TRPC4: variants seen among roughly 807,000 people sequenced by gnomAD.
TRPC4 encodes the protein transient receptor potential cation channel subfamily C member 4.
TRPC4 carries 49 observed loss-of-function variants against 99.4 expected under a neutral mutation model. That is an observed-to-expected ratio of 0.49 (90% CI 0.39 to 0.63). The LOEUF (loss-of-function observed/expected upper bound fraction) is 0.63, where lower values mean the gene tolerates loss of function less well. Ranked by LOEUF, TRPC4 falls within the 20% of genes least tolerant of loss-of-function variation. The pLI is 0.00. For synonymous variants in TRPC4, 454 were observed against 425.9 expected (o/e 1.07, Z -0.81); for missense variants, 898 against 1,152.9 (o/e 0.78, Z 3.20).
At chr13:37,673,500 T>G (rs1174813803) in intron 5 of TRPC4, among the ~76,000 whole-genome samples, 7 of 152,142 alleles carry the variant, frequency 4.6e-5, no homozygotes, top group African/African-American at 1.7e-4. Flanking sequence ...TAACTAGTTA[T>G]TTTGAAACTT....
rs187848242 is a variant in TRPC4 at position 37,634,107 on chromosome 13, C to T, written c.*2796G>A. Reference sequence around the variant, plus strand: ...CAGATTTTTTAAGATTAAGAGAGTACGAAAAATGAGAAACATTATTTATGT... The same window carrying T: ...CAGATTTTTTAAGATTAAGAGAGTATGAAAAATGAGAAACATTATTTATGT... On this transcript the variant is annotated 3_prime_UTR_variant, in exon 11 of 11. Transcript: ENST00000379705. Among the ~76,000 whole-genome samples the T allele has an allele frequency of 6.6e-5, 10 of 151,864 alleles. No individual in the cohort carries two copies. The highest frequency in any genetic ancestry group is 8.8e-5 in the Non-Finnish European group (6 of 67,898).
chr13:37,802,646 C>A (rs191054281), intron 1 of TRPC4, among the ~76,000 whole-genome samples: 1 of 152,192 alleles, frequency 6.6e-6, no homozygotes, highest in Admixed American at 6.6e-5. Context: ...CAGCTTTGTT[C>A]ATGGTCTTCT....
chr13:37,708,819 A>G (rs1217260620), intron 3 of TRPC4, among the ~76,000 whole-genome samples: 1 of 151,718 alleles, frequency 6.6e-6, no homozygotes, highest in Non-Finnish European at 1.5e-5. Flanking sequence ...AGTTCCAGAA[A>G]GTGTCAGATA....
chr13:37,637,402 G>A lies in TRPC4; in HGVS notation c.2435C>T (p.Ser812Phe). ...GCCATTGCTTATGTTATGTCTTTCA[G>A]AGGCAATTGCTGCTGATCTCGGATG... ...LIHPRSAAIA[S>F]ERHNISNGSA... Residue 812 changes from serine (S) to phenylalanine (F), a missense_variant, in exon 11 of 11, where the codon TCT (serine) becomes TTT (phenylalanine). By Grantham distance (155) the Ser-to-Phe change is radical (BLOSUM62 -2). Coordinates refer to ENST00000379705, the MANE Select transcript of TRPC4 (RefSeq NM_016179.4). 6.2e-7 allele frequency: 1 copy of A among 1,613,754 alleles called. No individual in the cohort carries two copies. The highest frequency in any genetic ancestry group is 8.5e-7 in the Non-Finnish European group (1 of 1,179,816).
At chr13:37,721,786 T>A (rs780104079) in intron 3 of TRPC4, among the ~76,000 whole-genome samples, 35 of 152,294 alleles carry the variant, frequency 2.3e-4, no homozygotes, top group Admixed American at 3.9e-4. Context: ...CGATTTTATT[T>A]ATTTTTTTAC....
At chr13:37,786,427 G>A (rs1348605831) in intron 1 of TRPC4, among the ~76,000 whole-genome samples, 2 of 151,744 alleles carry the variant, frequency 1.3e-5, no homozygotes, top group African/African-American at 4.8e-5. Context: ...CAGCACATGG[G>A]CTTGTCCTTG....
chr13:37,708,728 T>A (rs1016129819), intron 3 of TRPC4, among the ~76,000 whole-genome samples: 2 of 148,638 alleles, frequency 1.3e-5, no homozygotes, highest in African/African-American at 4.9e-5. Context: ...TATATAACTA[T>A]ATATGTATAT....
intron 1 of TRPC4, among the ~76,000 whole-genome samples, chr13:37,828,014 G>A (rs1337944281): frequency 5.9e-5 from 9 of 152,168 alleles, no homozygotes; most frequent in South Asian, 2.1e-4. Flanking sequence ...TGCAGTACTC[G>A]GGTGGGAGTG....
At chr13:37,847,552 T>A (rs1336264947) in intron 1 of TRPC4, among the ~76,000 whole-genome samples, 1 of 152,116 alleles carries the variant, frequency 6.6e-6, no homozygotes, top group East Asian at 1.9e-4. Flanking sequence ...AGTCCTAAGT[T>A]GATGAATATC....
At chr13:37,705,320 T>C (rs1227812763) in intron 3 of TRPC4, among the ~76,000 whole-genome samples, 1 of 152,058 alleles carries the variant, frequency 6.6e-6, no homozygotes, top group Non-Finnish European at 1.5e-5. Flanking sequence ...TTGAGGAAGA[T>C]GTTGGTCAAA....
At chr13:37,830,503 G>A (rs1168175229) in intron 1 of TRPC4, among the ~76,000 whole-genome samples, 1 of 151,780 alleles carries the variant, frequency 6.6e-6, no homozygotes, top group Non-Finnish European at 1.5e-5. Flanking sequence ...AAGGTCAGGA[G>A]TTCAATCAAG....
intron 1 of TRPC4, among the ~76,000 whole-genome samples, chr13:37,785,365 A>G (rs776822722): frequency 6.6e-6 from 1 of 152,080 alleles, no homozygotes; most frequent in Non-Finnish European, 1.5e-5. Flanking sequence ...GTGTAATTTT[A>G]TCAGGACTGA....
At chr13:37,866,534 G>A (rs559928870) in intron 1 of TRPC4, among the ~76,000 whole-genome samples, 1 of 151,704 alleles carries the variant, frequency 6.6e-6, no homozygotes, top group African/African-American at 2.4e-5. Context: ...TTAATTTTCA[G>A]TTTCCCAAAC....
intron 1 of TRPC4, among the ~76,000 whole-genome samples, chr13:37,794,707 A>G (rs1400179437): frequency 6.6e-6 from 1 of 152,110 alleles, no homozygotes; most frequent in East Asian, 1.9e-4. Flanking sequence ...TTACTTTTCC[A>G]TTAGTTATAT....
intron 2 of TRPC4, among the ~76,000 whole-genome samples, chr13:37,769,059 TG>T (rs759180801): frequency 1.3e-5 from 2 of 151,492 alleles, no homozygotes. Context: ...GTTAATAAAA[TG>T]GTGCAAAAAT....
At chr13:37,814,586 G>C (rs1480846636) in intron 1 of TRPC4, among the ~76,000 whole-genome samples, 4 of 151,708 alleles carry the variant, frequency 2.6e-5, no homozygotes, top group Non-Finnish European at 5.9e-5. Context: ...AAATATTTAG[G>C]TATATGTTTA....
chr13:37,796,350 A>T lies in TRPC4; in HGVS notation c.-27-12990T>A, dbSNP rs1355295691. On this transcript the variant is annotated intron_variant, in intron 1 of 10. Transcript: ENST00000379705. ...ATTATTAGTGTCCCATGCAATGAAT[A>T]CAGAGGTTAATTTATTTGACGAAGG... 2.0e-5 allele frequency among the ~76,000 whole-genome samples: 3 copies of T among 152,304 alleles called. No individual in the cohort carries two copies. The East Asian group carries it at 5.8e-4, about 29-fold the overall frequency.
chr13:37,747,345 G>A (rs1277927268), intron 2 of TRPC4, among the ~76,000 whole-genome samples: 1 of 152,140 alleles, frequency 6.6e-6, no homozygotes, highest in Admixed American at 6.6e-5. Flanking sequence ...ATACTTTAAA[G>A]ACCTTATATA....
intron 3 of TRPC4, among the ~76,000 whole-genome samples, chr13:37,705,473 A>G (rs1333365): frequency 0.89 from 135,172 of 152,208 alleles, 60,217 homozygotes; most frequent in Middle Eastern, 0.95. Flanking sequence ...AAGGAAATGA[A>G]GTAACGCATA....
Sources: gnomAD v4.1 joint callset for allele counts (sites outside exome capture counted in the v4.1 genomes callset) on GRCh38, gnomAD v4.1.1 for gene constraint, MANE v1.5 for transcripts, NCBI Gene and HGNC (gene_info 2026-07-23, HGNC 2026-07-21) for gene names.